EYA1: variants seen among roughly 807,000 people sequenced by gnomAD.
The protein encoded by EYA1 is EYA transcriptional coactivator and phosphatase 1.
In EYA1, 16 loss-of-function variants were observed where a neutral mutation model predicts 82.0. The observed-to-expected ratio is 0.20, with a 90% CI of 0.13 to 0.30. The LOEUF (loss-of-function observed/expected upper bound fraction) is 0.30, where lower values mean the gene tolerates loss of function less well. EYA1 is among the 10% of genes least tolerant of loss of function. EYA1 has a pLI of 1.00. For synonymous variants in EYA1, 261 were observed against 264.4 expected (o/e 0.99, Z 0.12); for missense variants, 633 against 730.7 (o/e 0.87, Z 1.54).
chr8:71,215,188 T>G (rs1481175922), intron 16 of EYA1, among the ~76,000 whole-genome samples, 199 bp downstream of exon 16: 2 of 152,188 alleles, frequency 1.3e-5, no homozygotes, highest in Admixed American at 6.5e-5. Flanking sequence ...TCAAGTAAAA[T>G]TTTGTGACTT....
chr8:71,211,743 T>C (rs1320160533), intron 16 of EYA1, among the ~76,000 whole-genome samples: 1 of 152,248 alleles, frequency 6.6e-6, no homozygotes, highest in Non-Finnish European at 1.5e-5. Flanking sequence ...GGACTTGTTT[T>C]TGTTCTAGCA....
At chr8:71,507,250 A>G (rs1360782118) in intron 2 of EYA1, among the ~76,000 whole-genome samples, 1 of 152,320 alleles carries the variant, frequency 6.6e-6, no homozygotes, top group Non-Finnish European at 1.5e-5. Flanking sequence ...AAGGTCACAG[A>G]GCTGGTAAGT....
At chr8:71,228,885 AC>A (rs1810870344) in intron 12 of EYA1, among the ~76,000 whole-genome samples, 1 of 152,056 alleles carries the variant, frequency 6.6e-6, no homozygotes, top group Non-Finnish European at 1.5e-5. Context: ...TCCTCTTCCA[AC>A]CCACCCTGGG....
intron 2 of EYA1, among the ~76,000 whole-genome samples, chr8:71,419,388 G>A (rs75587834): frequency 0.025 from 3,811 of 152,128 alleles, 155 homozygotes; most frequent in African/African-American, 0.084. Context: ...ATATTCACAA[G>A]ACCTTATAGG....
intron 2 of EYA1, among the ~76,000 whole-genome samples, chr8:71,466,930 T>C (rs141438124): frequency 5.6e-4 from 85 of 152,234 alleles, no homozygotes; most frequent in African/African-American, 1.9e-3. Context: ...ACTTTTTGTT[T>C]AAACTTTTAT....
chr8:71,461,739 T>C (rs373400710), intron 2 of EYA1, among the ~76,000 whole-genome samples: 3 of 152,194 alleles, frequency 2.0e-5, no homozygotes, highest in East Asian at 3.9e-4. Context: ...ATGAAGAGGA[T>C]AGAATAGCTC....
intron 2 of EYA1, among the ~76,000 whole-genome samples, chr8:71,397,783 C>T (rs184326996): frequency 2.2e-4 from 33 of 152,008 alleles, no homozygotes; most frequent in African/African-American, 6.8e-4. Flanking sequence ...TGGCTCTTCT[C>T]GAGGAGTATC....
At chr8:71,439,700 C>T (rs972030358) in intron 2 of EYA1, among the ~76,000 whole-genome samples, 2 of 152,122 alleles carry the variant, frequency 1.3e-5, no homozygotes, top group Non-Finnish European at 2.9e-5. Flanking sequence ...ATGATATTAA[C>T]TCAGTTGCAA....
intron 1 of EYA1, among the ~76,000 whole-genome samples, chr8:71,358,963 G>C (rs551310126): frequency 5.1e-4 from 77 of 152,162 alleles, no homozygotes; most frequent in Non-Finnish European, 9.7e-4. Context: ...CATGTTTCTT[G>C]TCTTCTCCTA....
At chr8:71,505,178 T>C (rs1812100670) in intron 2 of EYA1, among the ~76,000 whole-genome samples, 1 of 152,176 alleles carries the variant, frequency 6.6e-6, no homozygotes, top group African/African-American at 2.4e-5. Context: ...TCCTCCACTA[T>C]GGCATTTCCC....
chr8:71,210,318 G>A (rs369583000), intron 17 of EYA1, among the ~76,000 whole-genome samples: 1 of 152,166 alleles, frequency 6.6e-6, no homozygotes, highest in Non-Finnish European at 1.5e-5. Flanking sequence ...ATGACGGAAT[G>A]GTATTAGGGA....
chr8:71,310,113 C>T lies in EYA1; in HGVS notation c.556+7439G>A, dbSNP rs946489987. Among the ~76,000 whole-genome samples, 4 of 152,052 alleles carry T rather than the reference C, an allele frequency of 2.6e-5. No individual in the cohort carries two copies. In the East Asian group the frequency reaches 5.8e-4, roughly 22 times the overall value. Reference sequence around the variant, plus strand: ...CTATACCATTATTGATATTCTGGGACGATAAAACACTCAGAAAGGCATTCT... The same window carrying T: ...CTATACCATTATTGATATTCTGGGATGATAAAACACTCAGAAAGGCATTCT... On this transcript the variant is annotated intron_variant, in intron 7 of 17. Coordinates refer to ENST00000340726, the MANE Select transcript of EYA1 (RefSeq NM_000503.6).
At chr8:71,321,646 A>G in intron 6 of EYA1, 88 bp downstream of exon 6, 1 of 1,509,718 alleles carries the variant, frequency 6.6e-7, no homozygotes. Flanking sequence ...TAAATTGGCC[A>G]AAGATTGGGT....
chr8:71,265,487 T>C (rs1420205553), intron 11 of EYA1, among the ~76,000 whole-genome samples: 1 of 152,248 alleles, frequency 6.6e-6, no homozygotes, highest in Non-Finnish European at 1.5e-5. Flanking sequence ...AGATCCATTC[T>C]AGCCCAAATC....
At chr8:71,355,028 TCTTAGA>T in intron 2 of EYA1, 119 bp from the exon 3 acceptor site, 1 of 997,512 alleles carries the variant, frequency 1.0e-6, no homozygotes, top group South Asian at 1.3e-5. Context: ...TGTATCTATT[TCTTAGA>T]CTCAAAATAA....
chr8:71,413,602 T>C (rs1018266100), intron 2 of EYA1, among the ~76,000 whole-genome samples: 3 of 152,192 alleles, frequency 2.0e-5, no homozygotes, highest in Admixed American at 6.5e-5. Flanking sequence ...TCACAAATTA[T>C]ATAAATAGCC....
At chr8:71,471,235 C>T (rs138571272) in intron 2 of EYA1, among the ~76,000 whole-genome samples, 1 of 151,794 alleles carries the variant, frequency 6.6e-6, no homozygotes, top group East Asian at 1.9e-4. Flanking sequence ...AATATGAACA[C>T]AAATAGAAAA....
chr8:71,321,988 A>G, intron 5 of EYA1, 109 bp from the exon 6 acceptor site: 2 of 1,454,898 alleles, frequency 1.4e-6, no homozygotes, highest in Non-Finnish European at 1.9e-6. Context: ...ATCTTAAAGT[A>G]AAACTTTCAC....
chr8:71,205,052 TG>T (rs1474866036), intron 17 of EYA1, among the ~76,000 whole-genome samples: 1 of 152,184 alleles, frequency 6.6e-6, no homozygotes, highest in Non-Finnish European at 1.5e-5. Context: ...TTTATAAAAG[TG>T]GCTTGTATTT....
Sources: gnomAD v4.1 joint callset for allele counts (sites outside exome capture counted in the v4.1 genomes callset) on GRCh38, gnomAD v4.1.1 for gene constraint, MANE v1.5 for transcripts, NCBI Gene and HGNC (gene_info 2026-07-23, HGNC 2026-07-21) for gene names.